The following RNF10 variants were observed in gnomAD, a reference collection of about 807,000 sequenced individuals.
The protein encoded by RNF10 is ring finger protein 10, also known as E3 ubiquitin-protein ligase RNF10.
In RNF10, 38 loss-of-function variants were observed where a neutral mutation model predicts 91.4. The observed-to-expected ratio is 0.42, with a 90% CI of 0.32 to 0.54. The LOEUF (loss-of-function observed/expected upper bound fraction) is 0.54, where lower values mean the gene tolerates loss of function less well. Ranked by LOEUF, RNF10 falls within the 20% of genes least tolerant of loss-of-function variation. The pLI, the probability that RNF10 is intolerant of heterozygous loss-of-function variation, is 0.16. For synonymous variants in RNF10, 364 were observed against 366.3 expected, an observed-to-expected ratio of 0.99 and a Z score of 0.07; for missense variants, 945 against 1,012.0, an observed-to-expected ratio of 0.93 and a Z score of 0.90.
chr12:120,556,893 C>G (rs972490520), intron 4 of RNF10, among the ~76,000 whole-genome samples: 2 of 151,858 alleles, frequency 1.3e-5, no homozygotes, highest in Non-Finnish European at 1.5e-5. Context: ...TGGCTCACGC[C>G]GGTAATTCCA....
At chr12:120,542,131 G>A (rs530201433) in intron 1 of RNF10, among the ~76,000 whole-genome samples, 2 of 152,216 alleles carry the variant, frequency 1.3e-5, no homozygotes, top group East Asian at 3.9e-4. Flanking sequence ...ATCCCAAAGT[G>A]CTGGGATTAC....
intron 1 of RNF10, among the ~76,000 whole-genome samples, chr12:120,544,064 C>T (rs1439067177): frequency 2.0e-5 from 3 of 151,626 alleles, no homozygotes; most frequent in African/African-American, 7.3e-5. Context: ...TCCATCTCTA[C>T]TAAAAATACA....
chr12:120,552,564 G>A lies in RNF10; in HGVS notation c.420G>A (p.Leu140=), dbSNP rs1464161397. ...TCTCTGGTCCTAAGAAGATCAACCTGAACCACTTGTTGAATTTCACTTTTG... is the reference window on the plus strand; with the variant it reads ...TCTCTGGTCCTAAGAAGATCAACCTAAACCACTTGTTGAATTTCACTTTTG... ...AQFSGPKKIN[L]NHLLNFTFEP... Residue 140 remains leucine, a synonymous_variant, in exon 3 of 17, where the codon CTG becomes CTA. Coordinates refer to ENST00000325954, the MANE Select transcript of RNF10 (RefSeq NM_014868.5). 1 of 1,614,074 alleles carries A rather than the reference G, an allele frequency of 6.2e-7. No homozygotes were observed. The highest frequency in any genetic ancestry group is 2.2e-5 in the East Asian group (1 of 44,906).
intron 1 of RNF10, 85 bp downstream of exon 1, chr12:120,535,053 G>A: frequency 7.1e-7 from 1 of 1,406,506 alleles, no homozygotes; most frequent in Non-Finnish European, 9.4e-7. Context: ...GGGTTACTCG[G>A]GGACAGGCTC....
At chr12:120,565,258 G>A in intron 11 of RNF10, 69 bp downstream of exon 11, 7 of 1,232,402 alleles carry the variant, frequency 5.7e-6, no homozygotes, top group Admixed American at 1.7e-5. Context: ...GACACCCAGT[G>A]GGGGAGGAAA....
Position 120,571,179 on chromosome 12 carries a change from G to T in RNF10, c.2042-12G>T, listed in dbSNP as rs1206182175. 3.1e-6 allele frequency: 5 copies of T among 1,598,400 alleles called. No individual in the cohort carries two copies. The East Asian group carries it at 8.9e-5, about 29-fold the overall frequency. On this transcript the variant is annotated splice_polypyrimidine_tract_variant and intron_variant, in intron 13 of 16. Coordinates refer to ENST00000325954, the MANE Select transcript of RNF10 (RefSeq NM_014868.5). ...CGTGACGAATATAATCAGGTCTCTG[G>T]TTCCCTTTCAGACTTTCTGCTGACC... is the stretch of plus-strand genomic sequence containing the variant.
chr12:120,576,051 T>G, intron 16 of RNF10, 101 bp downstream of exon 16: 1 of 1,241,380 alleles, frequency 8.1e-7, no homozygotes, highest in Non-Finnish European at 1.2e-6. Context: ...TTAGGCTCTT[T>G]CCCTTCTGAA....
At chr12:120,574,231 G>A (rs1252220928) in intron 14 of RNF10, among the ~76,000 whole-genome samples, 1 of 152,252 alleles carries the variant, frequency 6.6e-6, no homozygotes, top group Non-Finnish European at 1.5e-5. Flanking sequence ...CTCATCTTGA[G>A]TAATAGGCAT....
chr12:120,571,383 C>G, intron 14 of RNF10, 92 bp downstream of exon 14: 2 of 949,172 alleles, frequency 2.1e-6, no homozygotes, highest in Admixed American at 1.9e-5. Context: ...ATTGTTACCT[C>G]TCATTCTAAT....
intron 1 of RNF10, among the ~76,000 whole-genome samples, chr12:120,536,263 A>G (rs77292633): frequency 7.5e-6 from 1 of 134,070 alleles, no homozygotes; most frequent in African/African-American, 2.5e-5. Flanking sequence ...TCTCCATAAG[A>G]AAAAAAAAAA....
chr12:120,555,876 C>T (rs575245545), intron 4 of RNF10, among the ~76,000 whole-genome samples: 63 of 151,800 alleles, frequency 4.2e-4, no homozygotes, highest in African/African-American at 1.4e-3. Context: ...GTAACCTCCA[C>T]CTCTTGGGTT....
intron 2 of RNF10, 82 bp from the exon 3 acceptor site, chr12:120,552,417 A>G: frequency 1.6e-6 from 2 of 1,213,876 alleles, no homozygotes; most frequent in East Asian, 4.7e-5. Context: ...AAAGCTGTGT[A>G]AAAGGAGGGT....
Position 120,534,619 on chromosome 12 carries a change from GC to G in RNF10, c.-191del. On this transcript the variant is annotated 5_prime_UTR_variant, in exon 1 of 17. Coordinates refer to ENST00000325954, the MANE Select transcript of RNF10 (RefSeq NM_014868.5). Reference sequence around the variant, plus strand: ...CTCCTCGTCCTCGGTCGCCGCTGCCGCCGGGCTTAACAGCCCCGTCCGCCGC... The same window carrying G: ...CTCCTCGTCCTCGGTCGCCGCTGCCGCGGGCTTAACAGCCCCGTCCGCCGC... 7.9e-7 allele frequency: 1 copy of G among 1,273,040 alleles called. No individual in the cohort carries two copies. 78.9% of individuals were successfully genotyped at this position (1,273,040 alleles called of 1,614,324 possible). A position where few individuals can be genotyped will look rare whatever the true frequency, so the allele number is the denominator to read the frequency against.
chr12:120,551,205 C>CA (rs965614907), intron 2 of RNF10, among the ~76,000 whole-genome samples: 2 of 150,060 alleles, frequency 1.3e-5, no homozygotes, highest in African/African-American at 4.9e-5. Context: ...AGACTGGTCT[C>CA]AAACTCCTGG....
chr12:120,571,086 A>ATTTTTTTTTTTTTT (rs1876550862), intron 13 of RNF10, 105 bp from the exon 14 acceptor site: 1 of 589,292 alleles, frequency 1.7e-6, no homozygotes, highest in African/African-American at 2.0e-5. Context: ...TTTTGAGGGG[A>ATTTTTTTTTTTTTT]TGATTTGTAA....
intron 14 of RNF10, among the ~76,000 whole-genome samples, chr12:120,571,774 T>A (rs10774558): frequency 0.27 from 40,941 of 152,076 alleles, 6,625 homozygotes; most frequent in Admixed American, 0.39. Flanking sequence ...ATTCAGGTGG[T>A]ATTTATCTGT....
Position 120,562,989 on chromosome 12 carries a change from G to A in RNF10, c.1173G>A (p.Glu391=). ...CGGGATTGGCCGGAAGCAGAAGGGA[G>A]GTCACTGGTGTTGTGGCTGCTCTGG... The part of the protein sequence containing the change: ...ALSGLAGSRR[E]VTGVVAALEQ... Residue 391 remains glutamate (E), a synonymous_variant, in exon 8 of 17, where the codon GAG becomes GAA. Coordinates refer to ENST00000325954, the MANE Select transcript of RNF10 (RefSeq NM_014868.5). The A allele has an allele frequency of 6.2e-7, 1 of 1,614,186 alleles. No homozygotes were observed. Among genetic ancestry groups the A allele is most frequent in the South Asian group, 1.1e-5 (1 of 91,084 alleles).
intron 10 of RNF10, 97 bp from the exon 11 acceptor site, chr12:120,564,975 C>T: frequency 2.6e-6 from 2 of 767,700 alleles, no homozygotes; most frequent in Non-Finnish European, 4.6e-6. Context: ...CCAGTGCTGG[C>T]TGTGTTATGT....
chr12:120,559,700 A>T (rs1284212979), intron 6 of RNF10, among the ~76,000 whole-genome samples: 1 of 146,848 alleles, frequency 6.8e-6, no homozygotes, highest in Non-Finnish European at 1.5e-5. Context: ...ATTTTTTTTT[A>T]ATTTTATTTT....
Sources: allele counts gnomAD v4.1 joint callset (sites outside exome capture counted in the v4.1 genomes callset), GRCh38; gene constraint gnomAD v4.1.1; transcripts MANE v1.5; gene names NCBI Gene and HGNC (gene_info 2026-07-23, HGNC 2026-07-21).